ACADM: variants seen among roughly 807,000 people sequenced by gnomAD.
The protein encoded by ACADM is acyl-CoA dehydrogenase medium chain.
A neutral mutation model predicts 58.9 loss-of-function variants in ACADM; 49 were observed. The observed-to-expected ratio is 0.83, with a 90% CI of 0.66 to 1.06. The LOEUF (loss-of-function observed/expected upper bound fraction) is 1.06. Ranked by LOEUF, ACADM falls within the 50% of genes least tolerant of loss-of-function variation. The pLI, the probability that ACADM is intolerant of heterozygous loss-of-function variation, is 0.00. For synonymous variants in ACADM, 160 were observed against 157.7 expected (o/e 1.01, Z -0.11); for missense variants, 496 against 507.0 (o/e 0.98, Z 0.21).
chr1:75,726,540 C>T (rs1337668710), intron 1 of ACADM, among the ~76,000 whole-genome samples: 1 of 152,112 alleles, frequency 6.6e-6, no homozygotes, highest in Non-Finnish European at 1.5e-5. Context: ...ACAGAAAGAT[C>T]AGTATAGCAA....
rs534147375 is a variant in ACADM, at chr1:75,749,242, T to C, written c.709-177T>C. On this transcript the variant is annotated intron_variant, in intron 8 of 11. Transcript: ENST00000370841. ...CAAGAAAGTAACTGTAGATGATATATGAACAAATAGGCGTGACTGTATTCC... is the reference window on the plus strand; with the variant it reads ...CAAGAAAGTAACTGTAGATGATATACGAACAAATAGGCGTGACTGTATTCC... Among the ~76,000 whole-genome samples, 3 of 152,330 alleles carry C rather than the reference T, an allele frequency of 2.0e-5. No homozygotes were observed. The South Asian group carries it at 6.2e-4, about 32-fold the overall frequency.
chr1:75,745,866 T>C lies in ACADM; in HGVS notation c.660T>C (p.Thr220=). The C allele has an allele frequency of 6.2e-7, 1 of 1,614,030 alleles. No individual in the cohort carries two copies. The highest frequency in any genetic ancestry group is 8.5e-7 in the Non-Finnish European group (1 of 1,179,958). ...DPKAPANKAF[T]GFIVEADTPG... The stretch of plus-strand genomic sequence containing the variant: ...AAGCTCCTGCTAATAAAGCCTTTAC[T>C]GGATTCATTGTGGAAGCAGATACCC... The change falls in exon 8 of 12, where the codon ACT becomes ACC. Residue 220 remains threonine, a synonymous_variant. Transcript: ENST00000370841.
intron 1 of ACADM, among the ~76,000 whole-genome samples, chr1:75,727,154 T>C (rs1647069251): frequency 6.6e-6 from 1 of 152,176 alleles, no homozygotes; most frequent in East Asian, 1.9e-4. Flanking sequence ...AATGCGAGTT[T>C]TCATACTCTG....
intron 10 of ACADM, 99 bp downstream of exon 10, chr1:75,750,645 T>A: frequency 1.2e-6 from 1 of 822,830 alleles, no homozygotes; most frequent in South Asian, 1.5e-5. Context: ...CAATTTCTAC[T>A]TTGATAGCAA....
chr1:75,741,794 T>C (rs1647581433), intron 7 of ACADM, among the ~76,000 whole-genome samples: 1 of 152,222 alleles, frequency 6.6e-6, no homozygotes, highest in Non-Finnish European at 1.5e-5. Context: ...AGAATATACC[T>C]TTTTAAAAGA....
rs745844469 is a variant in ACADM, at chr1:75,740,014, A to C, written c.503A>C (p.Asp168Ala). ...GTAACAGAACCTGGAGCAGGCTCTG[A>C]TGTAGCTGGTATAAAGACCAAAGCA... The part of the protein sequence containing the change: ...YCVTEPGAGS[D>A]VAGIKTKAEK... Residue 168 changes from aspartate to alanine, a missense_variant, in exon 7 of 12, where the codon GAT becomes GCT. Physicochemically the swap from Asp to Ala is moderately radical, Grantham distance 126. Coordinates refer to ENST00000370841, the MANE Select transcript of ACADM (RefSeq NM_000016.6). The C allele has an allele frequency of 9.9e-6, 16 of 1,612,820 alleles. No homozygotes were observed. Among genetic ancestry groups the C allele is most frequent in the Admixed American group, 3.3e-5 (2 of 59,996 alleles).
At chr1:75,745,264 A>G (rs1056493496) in intron 7 of ACADM, among the ~76,000 whole-genome samples, 2 of 152,170 alleles carry the variant, frequency 1.3e-5, no homozygotes, top group African/African-American at 4.8e-5. Context: ...ACGTGGGAAG[A>G]TCCCTTGAGT....
At chr1:75,749,224 G>A (rs1018758253) in intron 8 of ACADM, among the ~76,000 whole-genome samples, 195 bp from the exon 9 acceptor site, 1 of 152,186 alleles carries the variant, frequency 6.6e-6, no homozygotes, top group African/African-American at 2.4e-5. Flanking sequence ...TAGCAAGAAA[G>A]TAACTGTAGA....
At chr1:75,727,039 G>A (rs542528044) in intron 1 of ACADM, among the ~76,000 whole-genome samples, 3 of 151,914 alleles carry the variant, frequency 2.0e-5, no homozygotes, top group Non-Finnish European at 4.4e-5. Context: ...CCCTGACCTC[G>A]TGATCCGCCC....
At position 75,744,663 on chromosome 1, in the gene ACADM, C is replaced by A; in HGVS notation, c.600-1143C>A. The stretch of plus-strand genomic sequence containing the variant: ...TCCTGCTGTTAGGGTAACCTGGTCC[C>A]TGGCATAAGGAGACCCCAGGCAGGG... On this transcript the variant is annotated intron_variant, in intron 7 of 11. Coordinates refer to ENST00000370841, the MANE Select transcript of ACADM (RefSeq NM_000016.6). 5 of 877,990 alleles carry A rather than the reference C, an allele frequency of 5.7e-6. No homozygotes were observed. The South Asian group carries it at 6.5e-5, about 11-fold the overall frequency. 54.4% of individuals were successfully genotyped at this position (877,990 alleles called of 1,614,324 possible). A position where few individuals can be genotyped will look rare whatever the true frequency, so the allele number is the denominator to read the frequency against.
At chr1:75,740,884 C>A (rs1215953083) in intron 7 of ACADM, among the ~76,000 whole-genome samples, 2 of 152,124 alleles carry the variant, frequency 1.3e-5, no homozygotes, top group Non-Finnish European at 2.9e-5. Flanking sequence ...GAGGAGCCTA[C>A]AAAACATGTT....
chr1:75,734,874 G>T lies in ACADM; in HGVS notation c.468+3G>T, dbSNP rs967269717. 5 of 1,609,904 alleles carry T rather than the reference G, an allele frequency of 3.1e-6. No individual in the cohort carries two copies. The highest frequency in any genetic ancestry group is 1.1e-5 in the South Asian group (1 of 90,952). ...TGACTGAGGAGCCATTGATGTGTGT[G>T]AGTATGTGTAACTGCCGCTTTATTT... On this transcript the variant is annotated splice_donor_region_variant and intron_variant, in intron 6 of 11. Transcript: ENST00000370841.
chr1:75,760,194 G>T (rs1204457135), intron 10 of ACADM, among the ~76,000 whole-genome samples: 2 of 149,196 alleles, frequency 1.3e-5, no homozygotes, highest in Admixed American at 1.3e-4. Flanking sequence ...GCTGAGGCGG[G>T]TGGATCACCT....
intron 1 of ACADM, among the ~76,000 whole-genome samples, chr1:75,725,471 G>C (rs1217350834): frequency 6.6e-6 from 1 of 152,156 alleles, no homozygotes; most frequent in East Asian, 1.9e-4. Flanking sequence ...AAGAATTGCT[G>C]CCCATGTTTT....
At chr1:75,749,289 C>A in intron 8 of ACADM, 130 bp from the exon 9 acceptor site, 1 of 856,366 alleles carries the variant, frequency 1.2e-6, no homozygotes, top group South Asian at 1.6e-5. Context: ...CTTTGCAAAA[C>A]AGGCATTGCA....
At chr1:75,737,187 C>A (rs113465926) in intron 6 of ACADM, among the ~76,000 whole-genome samples, 1 of 148,482 alleles carries the variant, frequency 6.7e-6, no homozygotes, top group African/African-American at 2.5e-5. Context: ...AATCTTAACA[C>A]TTTGGGAAGC....
Position 75,724,765 on chromosome 1 carries a change from G to C in ACADM, c.-23G>C. The C allele has an allele frequency of 6.5e-7, 1 of 1,531,062 alleles. No homozygotes were observed. Among genetic ancestry groups the C allele is most frequent in the Non-Finnish European group, 8.8e-7 (1 of 1,137,374 alleles). The allele number at this position is 1,531,062 out of a possible 1,614,324, so 94.8% of individuals were successfully genotyped here. A position where few individuals can be genotyped will look rare whatever the true frequency, so the allele number is the denominator to read the frequency against. On this transcript the variant is annotated 5_prime_UTR_variant, in exon 1 of 12. Coordinates refer to ENST00000370841, the MANE Select transcript of ACADM (RefSeq NM_000016.6). ...GGCCGTGACCCGTGTATTATTGTCCGAGTGGCCGGAACGGGAGCCAACATG... is the reference window on the plus strand; with the variant it reads ...GGCCGTGACCCGTGTATTATTGTCCCAGTGGCCGGAACGGGAGCCAACATG...
intron 6 of ACADM, among the ~76,000 whole-genome samples, chr1:75,737,279 AATATATATATATATATATATATATATAT>A (rs368688785): frequency 0.041 from 1,773 of 43,150 alleles, 86 homozygotes; most frequent in Middle Eastern, 0.12. Context: ...CACACACACA[AATATATATATATATATATATATATATAT>A]ATATATATAT....
intron 1 of ACADM, 138 bp from the exon 2 acceptor site, chr1:75,728,263 G>A: frequency 1.7e-6 from 1 of 580,792 alleles, no homozygotes; most frequent in Non-Finnish European, 3.0e-6. Context: ...TATGATTGAA[G>A]GCATTTAAAT....
Sources: allele counts gnomAD v4.1 joint callset (sites outside exome capture counted in the v4.1 genomes callset), GRCh38; gene constraint gnomAD v4.1.1; transcripts MANE v1.5; gene names NCBI Gene and HGNC (gene_info 2026-07-23, HGNC 2026-07-21).